Variants in FAM227B observed in about 807,000 individuals in gnomAD.
FAM227B encodes protein FAM227B.
FAM227B carries 88 observed loss-of-function variants against 73.8 expected under a neutral mutation model. The observed-to-expected ratio is 1.19, with a 90% CI of 1.00 to 1.42. FAM227B has a LOEUF of 1.42. Ranked by LOEUF, FAM227B falls within the 40% of genes most tolerant of loss-of-function variation. The pLI is 0.00. For missense variants in FAM227B, 632 were observed against 590.9 expected (o/e 1.07, Z -0.72); for synonymous variants, 210 against 190.5 (o/e 1.10, Z -0.84).
chr15:49,594,352 G>T (rs886120110), intron 3 of FAM227B, among the ~76,000 whole-genome samples: 2 of 151,996 alleles, frequency 1.3e-5, no homozygotes, highest in Admixed American at 6.6e-5. Context: ...AGTTTACAAA[G>T]ACTTTTTTGC....
chr15:49,366,312 C>T (rs888229172), intron 13 of FAM227B: 60 of 787,434 alleles, frequency 7.6e-5, no homozygotes, highest in Middle Eastern at 4.6e-4. Flanking sequence ...GATCTGTTAC[C>T]TGAGGTAGGA....
chr15:49,343,456 A>T (rs2041039059), intron 13 of FAM227B, among the ~76,000 whole-genome samples: 2 of 152,016 alleles, frequency 1.3e-5, no homozygotes. Context: ...CTTTCAACAC[A>T]CTCTAGTGCC....
At chr15:49,427,891 T>C (rs1031371414) in intron 11 of FAM227B, among the ~76,000 whole-genome samples, 36 of 152,006 alleles carry the variant, frequency 2.4e-4, no homozygotes, top group African/African-American at 8.2e-4. Context: ...TGCTCATGTC[T>C]CATAACTTTA....
At chr15:49,350,206 T>G (rs926296367) in intron 13 of FAM227B, among the ~76,000 whole-genome samples, 1 of 152,214 alleles carries the variant, frequency 6.6e-6, no homozygotes, top group Admixed American at 6.5e-5. Context: ...ACATTTGCAT[T>G]GTCCAATAGT....
intron 11 of FAM227B, among the ~76,000 whole-genome samples, chr15:49,500,214 A>G (rs2058026331): frequency 1.3e-5 from 2 of 152,214 alleles, no homozygotes; most frequent in South Asian, 4.1e-4. Flanking sequence ...TTAAAAACGA[A>G]CTAACTAAAT....
chr15:49,334,247 C>A (rs1432334860), intron 14 of FAM227B: 1 of 984,312 alleles, frequency 1.0e-6, no homozygotes, highest in Non-Finnish European at 1.2e-6. Flanking sequence ...TTCTTTCCTG[C>A]TGCTGTTTTA....
At chr15:49,436,672 C>T (rs868604484) in intron 11 of FAM227B, among the ~76,000 whole-genome samples, 2 of 146,154 alleles carry the variant, frequency 1.4e-5, no homozygotes, top group Admixed American at 6.9e-5. Flanking sequence ...GGAGATTTGG[C>T]TCACAGAATT....
chr15:49,614,622 C>T (rs1349030092), intron 2 of FAM227B, among the ~76,000 whole-genome samples: 1 of 152,194 alleles, frequency 6.6e-6, no homozygotes, highest in African/African-American at 2.4e-5. Context: ...GAGAAAGTTA[C>T]ATTGGTCTTA....
chr15:49,579,648 G>T (rs1315530843), intron 5 of FAM227B, among the ~76,000 whole-genome samples: 1 of 152,108 alleles, frequency 6.6e-6, no homozygotes, highest in African/African-American at 2.4e-5. Context: ...AGGGTGTTTG[G>T]GGAATGGAGG....
intron 3 of FAM227B, among the ~76,000 whole-genome samples, chr15:49,598,894 T>G (rs967344914): frequency 3.3e-5 from 5 of 152,070 alleles, no homozygotes; most frequent in African/African-American, 4.8e-5. Context: ...TCATAAGAGA[T>G]AATGGTCCAC....
At chr15:49,388,458 A>G (rs915134402) in intron 11 of FAM227B, among the ~76,000 whole-genome samples, 2 of 152,014 alleles carry the variant, frequency 1.3e-5, no homozygotes, top group East Asian at 3.9e-4. Flanking sequence ...CTGGATTCCT[A>G]TCTCTCACCT....
chr15:49,503,752 T>C lies in FAM227B; in HGVS notation c.1012+4459A>G, dbSNP rs184222414. Among the ~76,000 whole-genome samples, 164 of 152,144 alleles carry C rather than the reference T, an allele frequency of 1.1e-3. 1 individual carries two copies. Among genetic ancestry groups the C allele is most frequent in the African/African-American group, 3.9e-3 (161 of 41,524 alleles). On this transcript the variant is annotated intron_variant, in intron 11 of 15. Transcript: ENST00000299338. The stretch of plus-strand genomic sequence containing the variant: ...TACCATCTCACACCAGTTAGAATGG[T>C]GATCATTAAAAAGTCAGGAAACAAC...
At chr15:49,496,394 G>C (rs886538716) in intron 11 of FAM227B, among the ~76,000 whole-genome samples, 1 of 152,156 alleles carries the variant, frequency 6.6e-6, no homozygotes, top group African/African-American at 2.4e-5. Flanking sequence ...TATAAAAATA[G>C]TTTTTAAAAA....
At chr15:49,419,982 A>C (rs1228414722) in intron 11 of FAM227B, among the ~76,000 whole-genome samples, 2 of 152,162 alleles carry the variant, frequency 1.3e-5, no homozygotes, top group African/African-American at 4.8e-5. Flanking sequence ...GCAAAGGATA[A>C]CTACAATTTA....
chr15:49,394,081 T>A (rs1183152136), intron 11 of FAM227B, among the ~76,000 whole-genome samples: 1 of 152,148 alleles, frequency 6.6e-6, no homozygotes, highest in Non-Finnish European at 1.5e-5. Context: ...GTGATGATAC[T>A]GATCTGTGGA....
At position 49,561,296 on chromosome 15, in the gene FAM227B, G is replaced by A. The variant is rs2074237860; in HGVS notation, c.747+6949C>T. On this transcript the variant is annotated intron_variant, in intron 9 of 15. Coordinates refer to ENST00000299338, the MANE Select transcript of FAM227B (RefSeq NM_152647.3). ...AAGAAGGCCCCACATAATGATAAAGGGTTCAATTCAACAAGAAGCCTTAAC... is the reference window on the plus strand; with the variant it reads ...AAGAAGGCCCCACATAATGATAAAGAGTTCAATTCAACAAGAAGCCTTAAC... Among the ~76,000 whole-genome samples, 7 of 152,066 alleles carry A rather than the reference G, an allele frequency of 4.6e-5. No individual in the cohort carries two copies. In the South Asian group the frequency reaches 1.5e-3, roughly 32 times the overall value.
intron 11 of FAM227B, among the ~76,000 whole-genome samples, chr15:49,384,619 T>C (rs1596746481): frequency 6.6e-6 from 1 of 152,112 alleles, no homozygotes; most frequent in East Asian, 1.9e-4. Flanking sequence ...ACCAACAGAA[T>C]TAAACAGTCA....
chr15:49,599,507 A>C (rs766310666), intron 3 of FAM227B, among the ~76,000 whole-genome samples: 6 of 151,884 alleles, frequency 4.0e-5, no homozygotes, highest in African/African-American at 7.3e-5. Flanking sequence ...TGCTTGTTCT[A>C]GTTACTTGAG....
At chr15:49,381,093 A>G (rs1297388984) in intron 11 of FAM227B, among the ~76,000 whole-genome samples, 2 of 152,086 alleles carry the variant, frequency 1.3e-5, no homozygotes, top group Non-Finnish European at 2.9e-5. Flanking sequence ...GCATTTTTAA[A>G]CAACTGATCA....
Sources: allele counts gnomAD v4.1 joint callset (sites outside exome capture counted in the v4.1 genomes callset), GRCh38; gene constraint gnomAD v4.1.1; transcripts MANE v1.5; gene names NCBI Gene and HGNC (gene_info 2026-07-23, HGNC 2026-07-21).